KDM4C: variants seen among roughly 807,000 people sequenced by gnomAD.
KDM4C encodes lysine-specific demethylase 4C.
Under a neutral mutation model 129.3 loss-of-function variants are expected in KDM4C, and 81 were observed. That is an observed-to-expected ratio of 0.63 (90% CI 0.52 to 0.75). The LOEUF (loss-of-function observed/expected upper bound fraction) is 0.75. Among genes scored for constraint, KDM4C ranks in the 30% least tolerant of loss-of-function variants. The probability of loss-of-function intolerance (pLI) is 0.00; values close to 1 mark genes in which losing one functional copy is unlikely to be tolerated. For missense variants in KDM4C, 1,457 were observed against 1,304.0 expected (o/e 1.12, Z -1.81); for synonymous variants, 573 against 456.1 (o/e 1.26, Z -3.26).
intron 1 of KDM4C, among the ~76,000 whole-genome samples, chr9:6,764,313 C>A (rs1820187170): frequency 2.0e-5 from 3 of 152,180 alleles, no homozygotes; most frequent in Admixed American, 2.0e-4. Context: ...AGGGTATGAG[C>A]ACTTAAGTGC....
chr9:6,841,120 C>G (rs1358269679), intron 4 of KDM4C, among the ~76,000 whole-genome samples: 1 of 152,166 alleles, frequency 6.6e-6, no homozygotes. Flanking sequence ...CAGATTCTTA[C>G]AGAATCTAGG....
intron 12 of KDM4C, among the ~76,000 whole-genome samples, chr9:6,994,455 C>A (rs1476933033): frequency 6.6e-6 from 1 of 152,186 alleles, no homozygotes; most frequent in Non-Finnish European, 1.5e-5. Context: ...TCCATATGTG[C>A]TTGGTTCTCT....
At chr9:6,828,262 C>G (rs996724350) in intron 4 of KDM4C, among the ~76,000 whole-genome samples, 1 of 152,118 alleles carries the variant, frequency 6.6e-6, no homozygotes, top group Middle Eastern at 3.4e-3. Context: ...ATTCTCCTGT[C>G]TCAGCCTCCC....
At chr9:6,783,115 TG>T (rs976468443) in intron 1 of KDM4C, among the ~76,000 whole-genome samples, 1 of 152,180 alleles carries the variant, frequency 6.6e-6, no homozygotes, top group African/African-American at 2.4e-5. Flanking sequence ...ACCTTTACCC[TG>T]GTAAAAGGTA....
intron 18 of KDM4C, among the ~76,000 whole-genome samples, chr9:7,127,012 A>G (rs1840088758): frequency 6.6e-6 from 1 of 152,128 alleles, no homozygotes; most frequent in African/African-American, 2.4e-5. Flanking sequence ...CCATAATGAC[A>G]ATGGGTGGAT....
chr9:6,965,514 T>C (rs1380982287), intron 8 of KDM4C, among the ~76,000 whole-genome samples: 1 of 152,172 alleles, frequency 6.6e-6, no homozygotes, highest in Non-Finnish European at 1.5e-5. Context: ...TATGGATATG[T>C]CAGCATACTT....
At chr9:7,072,882 A>G (rs1833397407) in intron 17 of KDM4C, among the ~76,000 whole-genome samples, 1 of 152,220 alleles carries the variant, frequency 6.6e-6, no homozygotes, top group African/African-American at 2.4e-5. Flanking sequence ...TGATACATGT[A>G]TACATTGTGT....
intron 19 of KDM4C, among the ~76,000 whole-genome samples, chr9:7,135,696 A>G (rs1484877586): frequency 6.6e-6 from 1 of 152,208 alleles, no homozygotes; most frequent in Non-Finnish European, 1.5e-5. Flanking sequence ...TGGAGGCAAA[A>G]TACAATACCC....
At chr9:6,748,381 C>T (rs1335365473) in intron 1 of KDM4C, among the ~76,000 whole-genome samples, 2 of 151,706 alleles carry the variant, frequency 1.3e-5, no homozygotes, top group East Asian at 3.9e-4. Context: ...GTGGCACATG[C>T]CTGTAATCTC....
At chr9:7,144,760 G>A (rs1316338026) in intron 19 of KDM4C, among the ~76,000 whole-genome samples, 4 of 152,282 alleles carry the variant, frequency 2.6e-5, no homozygotes, top group Non-Finnish European at 5.9e-5. Context: ...GAGTGAAAAT[G>A]CTGTTCATGT....
intron 18 of KDM4C, among the ~76,000 whole-genome samples, chr9:7,109,776 T>C (rs1838111685): frequency 2.0e-5 from 3 of 152,202 alleles, no homozygotes; most frequent in African/African-American, 7.2e-5. Flanking sequence ...CTCTTCTAGG[T>C]GACTGCTTTA....
At chr9:6,804,171 G>A (rs1203158212) in intron 2 of KDM4C, among the ~76,000 whole-genome samples, 1 of 152,160 alleles carries the variant, frequency 6.6e-6, no homozygotes, top group Non-Finnish European at 1.5e-5. Context: ...TGGTCTTAAT[G>A]TTTTCTGTAT....
intron 1 of KDM4C, among the ~76,000 whole-genome samples, chr9:6,752,538 G>A (rs921623649): frequency 2.7e-5 from 4 of 150,492 alleles, no homozygotes; most frequent in African/African-American, 9.8e-5. Context: ...AGCCTCCTGA[G>A]TAGCTGGGTT....
intron 17 of KDM4C, among the ~76,000 whole-genome samples, chr9:7,062,729 T>G (rs10976016): frequency 0.086 from 13,161 of 152,156 alleles, 675 homozygotes; most frequent in East Asian, 0.2. Flanking sequence ...ATTATTCCCT[T>G]TACTGTTTTA....
At chr9:7,004,658 T>A (rs1197969261) in intron 12 of KDM4C, among the ~76,000 whole-genome samples, 5 of 152,218 alleles carry the variant, frequency 3.3e-5, no homozygotes, top group African/African-American at 1.2e-4. Flanking sequence ...TTTATTACCA[T>A]CAATTATATT....
intron 8 of KDM4C, among the ~76,000 whole-genome samples, chr9:6,946,794 TTG>T (rs553944787): frequency 3.3e-4 from 51 of 152,272 alleles, no homozygotes; most frequent in African/African-American, 1.2e-3. Context: ...AGCAGAAAAC[TTG>T]TCTTTTTCAC....
chr9:6,986,820 G>T, intron 11 of KDM4C, 154 bp downstream of exon 11: 1 of 578,032 alleles, frequency 1.7e-6, no homozygotes, highest in Admixed American at 3.3e-5. Flanking sequence ...TAACTGGGAG[G>T]TAAGCCTCCT....
intron 15 of KDM4C, among the ~76,000 whole-genome samples, chr9:7,036,433 T>TA (rs1185439603): frequency 6.6e-6 from 1 of 152,180 alleles, no homozygotes; most frequent in East Asian, 1.9e-4. Flanking sequence ...TGACCAGTCT[T>TA]ACATGTTTCT....
chr9:6,842,639 T>G lies in KDM4C; in HGVS notation c.436-6868T>G, dbSNP rs147751650. On this transcript the variant is annotated intron_variant, in intron 4 of 21. Transcript: ENST00000381309. The stretch of plus-strand genomic sequence containing the variant: ...ACGTGAGCTACTGCACCAGGACTGA[T>G]CCACATGTTTTTAAAAGTTGGTTAA... Among the ~76,000 whole-genome samples, 574 of 152,092 alleles carry G rather than the reference T, an allele frequency of 3.8e-3. 2 individuals are homozygous for G. Among genetic ancestry groups the G allele is most frequent in the African/African-American group, 0.013 (554 of 41,484 alleles).
Sources: allele counts gnomAD v4.1 joint callset (sites outside exome capture counted in the v4.1 genomes callset), GRCh38; gene constraint gnomAD v4.1.1; transcripts MANE v1.5; gene names NCBI Gene and HGNC (gene_info 2026-07-23, HGNC 2026-07-21).